BBS9: variants seen among roughly 807,000 people sequenced by gnomAD.
BBS9 encodes protein PTHB1.
In BBS9, 89 loss-of-function variants were observed where a neutral mutation model predicts 117.7. The observed-to-expected ratio is 0.76, with a 90% confidence interval of 0.64 to 0.90. The LOEUF (loss-of-function observed/expected upper bound fraction) is 0.90. Among genes scored for constraint, BBS9 ranks in the 40% least tolerant of loss-of-function variants. The probability of loss-of-function intolerance (pLI) is 0.00; values close to 1 mark genes in which losing one functional copy is unlikely to be tolerated. For synonymous variants in BBS9, 379 were observed against 370.9 expected, an observed-to-expected ratio of 1.02 and a Z score of -0.25; for missense variants, 982 against 1,042.2, an observed-to-expected ratio of 0.94 and a Z score of 0.80.
intron 21 of BBS9, among the ~76,000 whole-genome samples, chr7:33,559,086 G>A (rs1394896360): frequency 6.6e-6 from 1 of 152,142 alleles, no homozygotes. Flanking sequence ...AAGCGTAAGT[G>A]GTCATAGATG....
At chr7:33,393,600 G>A (rs543486543) in intron 19 of BBS9, among the ~76,000 whole-genome samples, 35 of 152,252 alleles carry the variant, frequency 2.3e-4, no homozygotes, top group African/African-American at 8.2e-4. Flanking sequence ...ATAGAGAACA[G>A]CCTTATTACC....
Position 33,361,804 on chromosome 7 carries a change from C to T in BBS9, c.1693+3809C>T, listed in dbSNP as rs368422074. ...ATCTCTATTCTAAGATTATAAAATA[C>T]TTACTTATTTTTTCTGGTACATTTT... On this transcript the variant is annotated intron_variant, in intron 16 of 22. Transcript: ENST00000242067. Among the ~76,000 whole-genome samples, 7 of 152,048 alleles carry T rather than the reference C, an allele frequency of 4.6e-5. No homozygotes were observed. In the East Asian group the frequency reaches 7.7e-4, roughly 17 times the overall value.
At chr7:33,145,577 C>T (rs1305393907) in intron 1 of BBS9, among the ~76,000 whole-genome samples, 3 of 152,070 alleles carry the variant, frequency 2.0e-5, no homozygotes, top group Admixed American at 2.0e-4. Flanking sequence ...TTTTTGAGTA[C>T]CTATAGCATA....
At chr7:33,297,752 G>C (rs1405013530) in intron 9 of BBS9, among the ~76,000 whole-genome samples, 1 of 152,104 alleles carries the variant, frequency 6.6e-6, no homozygotes, top group Non-Finnish European at 1.5e-5. Context: ...TTCTGAGATA[G>C]GTTGGTCAAT....
At chr7:33,294,162 T>G (rs1290075211) in intron 9 of BBS9, among the ~76,000 whole-genome samples, 1 of 152,180 alleles carries the variant, frequency 6.6e-6, no homozygotes, top group Non-Finnish European at 1.5e-5. Flanking sequence ...TCTAGTCAAT[T>G]AAAACAATAA....
rs138322038 is a variant in BBS9 at position 33,195,917 on chromosome 7, C to T, written c.442+18326C>T. ...AAGGTCTGACAGCACAGTAGTCTCA[C>T]GTTTGTGACTGAGGTGGAAAAAAAT... On this transcript the variant is annotated intron_variant, in intron 5 of 22. Coordinates refer to ENST00000242067, the MANE Select transcript of BBS9 (RefSeq NM_198428.3). Among the ~76,000 whole-genome samples the T allele has an allele frequency of 5.7e-4, 86 of 152,068 alleles. 1 individual carries two copies. The South Asian group carries it at 0.01, about 18-fold the overall frequency.
chr7:33,519,485 C>A (rs1464991598), intron 20 of BBS9, among the ~76,000 whole-genome samples: 1 of 152,140 alleles, frequency 6.6e-6, no homozygotes, highest in Non-Finnish European at 1.5e-5. Flanking sequence ...AAGGCTATAA[C>A]CATAATGTCA....
intron 5 of BBS9, among the ~76,000 whole-genome samples, chr7:33,218,299 T>G (rs1328413184): frequency 6.6e-6 from 1 of 152,204 alleles, no homozygotes; most frequent in African/African-American, 2.4e-5. Flanking sequence ...AGGGAAAACT[T>G]TCTGAGTTTG....
Position 33,320,981 on chromosome 7 carries a change from G to C in BBS9, c.1017-15460G>C, listed in dbSNP as rs900019399. On this transcript the variant is annotated intron_variant, in intron 9 of 22. Transcript: ENST00000242067. ...TATTCCCAGACCCACTTATTGAAGA[G>C]ACTGTCCTTTCCCCAATATATGTTC... 2.0e-5 allele frequency among the ~76,000 whole-genome samples: 3 copies of C among 152,118 alleles called. No homozygotes were observed. In the East Asian group the frequency reaches 5.8e-4, roughly 29 times the overall value.
intron 17 of BBS9, among the ~76,000 whole-genome samples, chr7:33,370,521 G>A (rs984979932): frequency 3.9e-5 from 6 of 151,938 alleles, no homozygotes; most frequent in Admixed American, 2.0e-4. Flanking sequence ...CAACATTTCT[G>A]AAAACTGTTA....
chr7:33,500,152 A>G (rs1434334186), intron 19 of BBS9, among the ~76,000 whole-genome samples: 1 of 152,224 alleles, frequency 6.6e-6, no homozygotes, highest in African/African-American at 2.4e-5. Context: ...TTTGTGCAGA[A>G]ACCAGCCAAT....
At chr7:33,550,651 T>C (rs1854268462) in intron 21 of BBS9, among the ~76,000 whole-genome samples, 1 of 152,184 alleles carries the variant, frequency 6.6e-6, no homozygotes, top group African/African-American at 2.4e-5. Context: ...AAAAATCTTT[T>C]CATACTGAAC....
At chr7:33,207,477 C>G (rs955337607) in intron 5 of BBS9, among the ~76,000 whole-genome samples, 3 of 150,442 alleles carry the variant, frequency 2.0e-5, no homozygotes, top group Non-Finnish European at 4.4e-5. Context: ...TTAAATTGTC[C>G]CAGATTTGGC....
rs1366720794 is a variant in BBS9 at position 33,559,745 on chromosome 7, A to G, written c.2521+25569A>G. ...TTCATTGCCTTCACAATAAACTCCT[A>G]ATTATCTGCCACGACTCGTGAGTCC... On this transcript the variant is annotated intron_variant, in intron 21 of 22. Transcript: ENST00000242067. 2.0e-5 allele frequency among the ~76,000 whole-genome samples: 3 copies of G among 152,046 alleles called. No homozygotes were observed. In the East Asian group the frequency reaches 5.8e-4, roughly 29 times the overall value.
intron 17 of BBS9, among the ~76,000 whole-genome samples, chr7:33,371,081 G>C (rs1030711280): frequency 1.3e-5 from 2 of 152,118 alleles, no homozygotes; most frequent in Non-Finnish European, 2.9e-5. Flanking sequence ...TCCATTTTCA[G>C]AGTGTTCAAA....
intron 17 of BBS9, among the ~76,000 whole-genome samples, chr7:33,370,091 A>C (rs2128719539): frequency 6.6e-6 from 1 of 152,308 alleles, no homozygotes; most frequent in African/African-American, 2.4e-5. Context: ...ACAAGAGAAA[A>C]GTAAGGTGTA....
At chr7:33,537,789 A>G (rs1469271816) in intron 21 of BBS9, among the ~76,000 whole-genome samples, 4 of 152,212 alleles carry the variant, frequency 2.6e-5, no homozygotes, top group Non-Finnish European at 1.5e-5. Flanking sequence ...ATATTTCAAT[A>G]GCCCTAATTA....
chr7:33,253,867 G>A (rs55865959), intron 5 of BBS9, among the ~76,000 whole-genome samples: 17,261 of 152,046 alleles, frequency 0.11, 1,159 homozygotes, highest in African/African-American at 0.18. Context: ...AATATGATGC[G>A]TCTGTAAATA....
At chr7:33,468,830 C>T (rs1423410824) in intron 19 of BBS9, among the ~76,000 whole-genome samples, 1 of 152,152 alleles carries the variant, frequency 6.6e-6, no homozygotes, top group Non-Finnish European at 1.5e-5. Flanking sequence ...CTGCAAATGA[C>T]AGAATTTCAT....
Sources: allele counts gnomAD v4.1 joint callset (sites outside exome capture counted in the v4.1 genomes callset), GRCh38; gene constraint gnomAD v4.1.1; transcripts MANE v1.5; gene names NCBI Gene and HGNC (gene_info 2026-07-23, HGNC 2026-07-21).